GRXCR1: variants seen among roughly 807,000 people sequenced by gnomAD.
GRXCR1 encodes the protein glutaredoxin and cysteine rich domain containing 1.
In GRXCR1, 27 loss-of-function variants were observed where a neutral mutation model predicts 27.3. That is an observed-to-expected ratio of 0.99 (90% CI 0.73 to 1.37). The LOEUF is 1.37. GRXCR1 is among the 40% of genes most tolerant of loss of function. GRXCR1 has a pLI of 0.00. For synonymous variants in GRXCR1, 122 were observed against 131.1 expected (o/e 0.93, Z 0.47); for missense variants, 379 against 354.4 (o/e 1.07, Z -0.56).
At chr4:42,963,891 G>A (rs1269724352) in intron 2 of GRXCR1, among the ~76,000 whole-genome samples, 2 of 151,964 alleles carry the variant, frequency 1.3e-5, no homozygotes, top group Non-Finnish European at 2.9e-5. Flanking sequence ...AACAGAGACC[G>A]TCGAACCACA....
intron 2 of GRXCR1, among the ~76,000 whole-genome samples, chr4:42,978,302 A>G (rs563450561): frequency 7.2e-5 from 11 of 152,176 alleles, no homozygotes; most frequent in Non-Finnish European, 1.5e-4. Context: ...GTACTTTGTC[A>G]TTCCATATGA....
chr4:42,912,516 G>C (rs1166180936), intron 1 of GRXCR1, among the ~76,000 whole-genome samples: 1 of 152,148 alleles, frequency 6.6e-6, no homozygotes, highest in Admixed American at 6.6e-5. Context: ...ATGTGTACAG[G>C]AAGTTTCTTA....
At chr4:43,004,537 G>A (rs567858331) in intron 2 of GRXCR1, among the ~76,000 whole-genome samples, 2 of 152,316 alleles carry the variant, frequency 1.3e-5, no homozygotes, top group South Asian at 2.1e-4. Flanking sequence ...AATCATCTGT[G>A]GGGGGTAACC....
chr4:42,898,216 G>A (rs547575128), intron 1 of GRXCR1, among the ~76,000 whole-genome samples: 1 of 151,432 alleles, frequency 6.6e-6, no homozygotes, highest in African/African-American at 2.4e-5. Flanking sequence ...CATTTAGTTA[G>A]CAGGTTTTAC....
chr4:42,897,591 G>A (rs1261249884), intron 1 of GRXCR1, among the ~76,000 whole-genome samples: 1 of 151,976 alleles, frequency 6.6e-6, no homozygotes, highest in African/African-American at 2.4e-5. Flanking sequence ...TGAAATAAAA[G>A]TAGTATGTTT....
chr4:42,942,066 A>G (rs1577914678), intron 1 of GRXCR1, among the ~76,000 whole-genome samples: 1 of 152,068 alleles, frequency 6.6e-6, no homozygotes, highest in African/African-American at 2.4e-5. Flanking sequence ...TGTCTTTAAA[A>G]GAGAGAGTAA....
At chr4:42,904,075 C>T (rs1338913313) in intron 1 of GRXCR1, among the ~76,000 whole-genome samples, 1 of 152,192 alleles carries the variant, frequency 6.6e-6, no homozygotes, top group Admixed American at 6.5e-5. Flanking sequence ...CTGTACTAGA[C>T]ATCATTCAGG....
intron 2 of GRXCR1, among the ~76,000 whole-genome samples, chr4:43,012,050 C>T (rs1363583149): frequency 6.6e-6 from 1 of 152,142 alleles, no homozygotes; most frequent in Non-Finnish European, 1.5e-5. Context: ...ATTATTCTCA[C>T]TATGTGAATC....
chr4:42,907,500 T>A (rs1746623617), intron 1 of GRXCR1, among the ~76,000 whole-genome samples: 1 of 152,132 alleles, frequency 6.6e-6, no homozygotes, highest in Non-Finnish European at 1.5e-5. Context: ...CTCACATGGT[T>A]GCACTGTATT....
chr4:42,987,222 T>TATAATATA (rs369022273), intron 2 of GRXCR1, among the ~76,000 whole-genome samples: 1 of 100,594 alleles, frequency 9.9e-6, no homozygotes, highest in African/African-American at 3.8e-5. Flanking sequence ...TATATATATA[T>TATAATATA]TATATATTAT....
At chr4:43,026,130 C>A (rs1713252535) in intron 3 of GRXCR1, among the ~76,000 whole-genome samples, 1 of 152,140 alleles carries the variant, frequency 6.6e-6, no homozygotes, top group East Asian at 1.9e-4. Context: ...TTCAGTTATT[C>A]CTCCAACTCC....
chr4:43,020,545 G>A, intron 3 of GRXCR1, 126 bp downstream of exon 3: 1 of 713,456 alleles, frequency 1.4e-6, no homozygotes, highest in Non-Finnish European at 2.5e-6. Flanking sequence ...GGATACATGT[G>A]GCAGTTTTAA....
chr4:42,987,253 A>G (rs1466252753), intron 2 of GRXCR1, among the ~76,000 whole-genome samples: 12 of 68,594 alleles, frequency 1.7e-4, no homozygotes, highest in African/African-American at 6.1e-4. Context: ...TATATAATAT[A>G]TATATATAAT....
At chr4:43,022,733 G>A (rs1490963158) in intron 3 of GRXCR1, among the ~76,000 whole-genome samples, 2 of 152,128 alleles carry the variant, frequency 1.3e-5, no homozygotes, top group Non-Finnish European at 2.9e-5. Flanking sequence ...CATGCAAAGA[G>A]GATAAGGGAT....
intron 1 of GRXCR1, among the ~76,000 whole-genome samples, chr4:42,932,619 T>TATATATATAGAGAG (rs1249820617): frequency 4.4e-5 from 1 of 22,920 alleles, no homozygotes; most frequent in Non-Finnish European, 7.6e-5. Context: ...TATATATATA[T>TATATATATAGAGAG]AGAGAGAGAG....
At chr4:43,020,207 T>C in intron 2 of GRXCR1, 147 bp from the exon 3 acceptor site, 1 of 678,208 alleles carries the variant, frequency 1.5e-6, no homozygotes, top group Non-Finnish European at 2.7e-6. Context: ...TGTCTTCTTC[T>C]CTTTGGCATC....
At chr4:42,978,852 A>G (rs1192387181) in intron 2 of GRXCR1, among the ~76,000 whole-genome samples, 2 of 151,908 alleles carry the variant, frequency 1.3e-5, no homozygotes, top group Non-Finnish European at 2.9e-5. Context: ...GACCAGGTGG[A>G]GGTAATTTAA....
intron 1 of GRXCR1, among the ~76,000 whole-genome samples, chr4:42,904,889 A>G (rs1189135573): frequency 6.6e-6 from 1 of 152,178 alleles, no homozygotes; most frequent in Non-Finnish European, 1.5e-5. Flanking sequence ...TTATTAAGGA[A>G]CAGAGGTGGG....
At chr4:42,910,889 T>C (rs2109744730) in intron 1 of GRXCR1, among the ~76,000 whole-genome samples, 1 of 152,314 alleles carries the variant, frequency 6.6e-6, no homozygotes, top group East Asian at 1.9e-4. Context: ...TTCTCTCGGT[T>C]GGTTTAATCT....
Sources: gnomAD v4.1 joint callset for allele counts (sites outside exome capture counted in the v4.1 genomes callset) on GRCh38, gnomAD v4.1.1 for gene constraint, MANE v1.5 for transcripts, NCBI Gene and HGNC (gene_info 2026-07-23, HGNC 2026-07-21) for gene names.